ANKS1B: variants seen among roughly 807,000 people sequenced by gnomAD.
ANKS1B encodes ankyrin repeat and sterile alpha motif domain containing 1B.
ANKS1B carries 36 observed loss-of-function variants against 148.3 expected under a neutral mutation model. The observed-to-expected ratio is 0.24, with a 90% CI of 0.19 to 0.32. The LOEUF (loss-of-function observed/expected upper bound fraction) is 0.32, where lower values mean the gene tolerates loss of function less well. Among genes scored for constraint, ANKS1B ranks in the 10% least tolerant of loss-of-function variants. ANKS1B has a pLI of 1.00. For synonymous variants in ANKS1B, 542 were observed against 560.8 expected (o/e 0.97, Z 0.47); for missense variants, 1,157 against 1,542.6 (o/e 0.75, Z 4.19).
chr12:99,850,433 T>C (rs184870642), intron 1 of ANKS1B, among the ~76,000 whole-genome samples: 1 of 152,084 alleles, frequency 6.6e-6, no homozygotes, highest in Admixed American at 6.6e-5. Flanking sequence ...ATTTAATCTC[T>C]TAGTAACTTG....
At chr12:99,785,365 G>A (rs1284925108) in intron 4 of ANKS1B, among the ~76,000 whole-genome samples, 5 of 151,348 alleles carry the variant, frequency 3.3e-5, no homozygotes, top group Non-Finnish European at 7.4e-5. Context: ...CTCTAAAGTG[G>A]GATTCTAATC....
intron 14 of ANKS1B, among the ~76,000 whole-genome samples, chr12:99,199,154 A>G (rs2081751288): frequency 2.0e-5 from 3 of 152,198 alleles, no homozygotes; most frequent in Admixed American, 2.0e-4. Context: ...ACAACCTCAT[A>G]AGAGACCTTG....
chr12:99,966,737 A>G (rs1307167264), intron 1 of ANKS1B, among the ~76,000 whole-genome samples: 1 of 152,236 alleles, frequency 6.6e-6, no homozygotes, highest in Non-Finnish European at 1.5e-5. Flanking sequence ...ATATGTCTCA[A>G]AATATTTTAA....
chr12:99,027,072 A>G (rs2099949175), intron 17 of ANKS1B, among the ~76,000 whole-genome samples: 1 of 152,224 alleles, frequency 6.6e-6, no homozygotes, highest in African/African-American at 2.4e-5. Flanking sequence ...CTTCTCAAAT[A>G]ATAGAGATCC....
Position 99,582,794 on chromosome 12 carries a change from A to G in ANKS1B, c.1272+72273T>C, listed in dbSNP as rs745630744. Among the ~76,000 whole-genome samples the G allele has an allele frequency of 3.9e-5, 6 of 152,116 alleles. 1 individual carries two copies. Among genetic ancestry groups the G allele is most frequent in the Admixed American group, 6.5e-5 (1 of 15,282 alleles). ...CAGTTATCAAACCTCATCAAATTGT[A>G]TAACTACAATTCATGAATTTCATTG... is the stretch of plus-strand genomic sequence containing the variant. On this transcript the variant is annotated intron_variant, in intron 9 of 26. Transcript: ENST00000683438.
chr12:99,770,142 C>A (rs1042487267), intron 8 of ANKS1B, among the ~76,000 whole-genome samples: 8 of 152,192 alleles, frequency 5.3e-5, no homozygotes, highest in Admixed American at 1.3e-4. Context: ...GCAGCTAAGT[C>A]ATTTTCTAAA....
intron 21 of ANKS1B, among the ~76,000 whole-genome samples, chr12:98,799,958 A>C (rs1409925287): frequency 1.3e-5 from 2 of 151,944 alleles, no homozygotes; most frequent in Non-Finnish European, 2.9e-5. Flanking sequence ...AAGACTGGAG[A>C]CTTGTACTCT....
chr12:99,039,070 A>T (rs1235661808), intron 17 of ANKS1B, among the ~76,000 whole-genome samples: 1 of 152,370 alleles, frequency 6.6e-6, no homozygotes, highest in South Asian at 2.1e-4. Flanking sequence ...AGTGCTTGGC[A>T]TATAGTAGGT....
chr12:99,581,617 G>C (rs1168981431), intron 9 of ANKS1B, among the ~76,000 whole-genome samples: 1 of 152,116 alleles, frequency 6.6e-6, no homozygotes, highest in South Asian at 2.1e-4. Context: ...TCGGCCGGGC[G>C]CGGTGGCTCA....
chr12:99,587,652 C>T (rs2097656359), intron 9 of ANKS1B, among the ~76,000 whole-genome samples: 1 of 152,084 alleles, frequency 6.6e-6, no homozygotes, highest in Non-Finnish European at 1.5e-5. Flanking sequence ...ATGCTGTGTT[C>T]TCACTTCATA....
chr12:99,381,072 C>G (rs1404099943), intron 12 of ANKS1B, among the ~76,000 whole-genome samples: 1 of 152,148 alleles, frequency 6.6e-6, no homozygotes, highest in Admixed American at 6.5e-5. Context: ...GGAGGAACAC[C>G]TGGAAGCTGG....
chr12:99,942,145 A>G (rs2094935893), intron 1 of ANKS1B, among the ~76,000 whole-genome samples: 1 of 152,134 alleles, frequency 6.6e-6, no homozygotes, highest in Non-Finnish European at 1.5e-5. Context: ...GAGAGAAGGC[A>G]AAGGGAAGAA....
chr12:98,754,529 T>C lies in ANKS1B; in HGVS notation c.3580-3007A>G, dbSNP rs117732321. Among the ~76,000 whole-genome samples, 989 of 152,334 alleles carry C rather than the reference T, an allele frequency of 6.5e-3. 11 individuals carry two copies. Among genetic ancestry groups the C allele is most frequent in the Non-Finnish European group, 0.01 (713 of 68,026 alleles). ...TGGGGACATGTACCAGATATTCCTGTTCTGGGTGGGAAACTAGACTAAGAT... is the reference window on the plus strand; with the variant it reads ...TGGGGACATGTACCAGATATTCCTGCTCTGGGTGGGAAACTAGACTAAGAT... On this transcript the variant is annotated intron_variant, in intron 25 of 26. Transcript: ENST00000683438.
At chr12:99,554,387 C>T (rs1019991819) in intron 9 of ANKS1B, among the ~76,000 whole-genome samples, 2 of 152,072 alleles carry the variant, frequency 1.3e-5, no homozygotes, top group African/African-American at 2.4e-5. Context: ...TTCTCTCCCA[C>T]GTTAGTATCT....
At chr12:99,190,542 A>T (rs1440219754) in intron 14 of ANKS1B, among the ~76,000 whole-genome samples, 1 of 152,166 alleles carries the variant, frequency 6.6e-6, no homozygotes, top group African/African-American at 2.4e-5. Flanking sequence ...CATACCACAC[A>T]TCTACAACCA....
chr12:98,869,946 A>G (rs1241160210), intron 17 of ANKS1B, among the ~76,000 whole-genome samples: 1 of 152,198 alleles, frequency 6.6e-6, no homozygotes. Flanking sequence ...AAATGTCCTG[A>G]AAACCAGAAA....
intron 1 of ANKS1B, among the ~76,000 whole-genome samples, chr12:99,885,737 T>TA (rs1228909873): frequency 6.6e-6 from 1 of 152,182 alleles, no homozygotes; most frequent in Non-Finnish European, 1.5e-5. Flanking sequence ...GTAGTTTTTT[T>TA]ATCCCTTACC....
At chr12:98,774,962 G>C (rs2098654287) in intron 24 of ANKS1B, among the ~76,000 whole-genome samples, 1 of 152,146 alleles carries the variant, frequency 6.6e-6, no homozygotes, top group Admixed American at 6.5e-5. Flanking sequence ...ATCCTCTTCT[G>C]GCATCCAGAT....
chr12:99,670,612 AC>A (rs1567609512), intron 8 of ANKS1B, among the ~76,000 whole-genome samples: 1 of 152,182 alleles, frequency 6.6e-6, no homozygotes, highest in East Asian at 1.9e-4. Flanking sequence ...AGGTGTAAAG[AC>A]ACATATCTAT....
Sources: allele counts gnomAD v4.1 joint callset (sites outside exome capture counted in the v4.1 genomes callset), GRCh38; gene constraint gnomAD v4.1.1; transcripts MANE v1.5; gene names NCBI Gene and HGNC (gene_info 2026-07-23, HGNC 2026-07-21).